TGM4: variants seen among roughly 807,000 people sequenced by gnomAD.
TGM4 encodes transglutaminase 4.
Under a neutral mutation model 76.3 loss-of-function variants are expected in TGM4, and 61 were observed. The observed-to-expected ratio is 0.80, with a 90% CI of 0.65 to 0.99. The LOEUF (loss-of-function observed/expected upper bound fraction) is 0.99, where lower values mean the gene tolerates loss of function less well. TGM4 is among the 50% of genes least tolerant of loss of function. The pLI, the probability that TGM4 is intolerant of heterozygous loss-of-function variation, is 0.00. For missense variants in TGM4, 794 were observed against 843.2 expected, an observed-to-expected ratio of 0.94 and a Z score of 0.72; for synonymous variants, 337 against 329.8, an observed-to-expected ratio of 1.02 and a Z score of -0.24.
chr3:44,893,768 G>T (rs1281752727), intron 5 of TGM4, 73 bp downstream of exon 5: 1 of 1,337,894 alleles, frequency 7.5e-7, no homozygotes, highest in African/African-American at 1.4e-5. Context: ...GTAGTAGTCA[G>T]TAAAGGTTCT....
intron 1 of TGM4, among the ~76,000 whole-genome samples, chr3:44,879,454 G>GC (rs1699500911): frequency 6.0e-5 from 9 of 149,192 alleles, no homozygotes; most frequent in African/African-American, 2.2e-4. Context: ...TTACAGGCAT[G>GC]TGCCACCAAG....
At chr3:44,902,933 T>C (rs1374874050) in intron 8 of TGM4, among the ~76,000 whole-genome samples, 1 of 152,246 alleles carries the variant, frequency 6.6e-6, no homozygotes, top group Non-Finnish European at 1.5e-5. Flanking sequence ...GCATTTCAGT[T>C]GAAGTTGGAG....
chr3:44,879,473 A>ATTTTTT (rs1184527794), intron 1 of TGM4, among the ~76,000 whole-genome samples: 1,796 of 123,456 alleles, frequency 0.015, 24 homozygotes, highest in Middle Eastern at 0.055. Context: ...AGCCTGGCTA[A>ATTTTTT]TTTTTTTTTT....
At chr3:44,890,442 G>T in intron 3 of TGM4, 161 bp from the exon 4 acceptor site, 1 of 974,512 alleles carries the variant, frequency 1.0e-6, no homozygotes, top group Non-Finnish European at 1.5e-6. Context: ...TGCCCTTGCA[G>T]GGGCGCTCCT....
intron 1 of TGM4, 142 bp from the exon 2 acceptor site, chr3:44,885,183 C>A: frequency 1.3e-6 from 1 of 780,044 alleles, no homozygotes; most frequent in Non-Finnish European, 2.0e-6. Context: ...AGATTCATAA[C>A]CAGCTGGAGG....
chr3:44,887,685 C>A lies in TGM4; in HGVS notation c.194-4C>A. On this transcript the variant is annotated splice_region_variant and splice_polypyrimidine_tract_variant and intron_variant, in intron 2 of 13. Transcript: ENST00000296125. ...GGCCAATGTTTTCCTTTGGGTGTCT[C>A]CAGGGCCGAATCCTAGCATCGCCAA... 1 of 1,613,496 alleles carries A rather than the reference C, an allele frequency of 6.2e-7. No homozygotes were observed. Among genetic ancestry groups the A allele is most frequent in the Non-Finnish European group, 8.5e-7 (1 of 1,179,678 alleles).
chr3:44,911,199 A>G (rs1700000980), intron 12 of TGM4, 71 bp from the exon 13 acceptor site: 1 of 1,610,028 alleles, frequency 6.2e-7, no homozygotes, highest in African/African-American at 1.3e-5. Context: ...GGGGCCCCTA[A>G]GAACCCTGAG....
rs746665064 is a variant in TGM4 at position 44,914,034 on chromosome 3, C to T, written c.*309C>T. 21 of 289,122 alleles carry T rather than the reference C, an allele frequency of 7.3e-5. No individual in the cohort carries two copies. Among genetic ancestry groups the T allele is most frequent in the Admixed American group, 3.4e-4 (7 of 20,612 alleles). 17.9% of individuals were successfully genotyped at this position (289,122 alleles called of 1,614,324 possible). ...TTCAAATCCATAGATTTCGAAGCCA[C>T]AGAGTCTCTCCCTGGAGCAGCAGAC... is the stretch of plus-strand genomic sequence containing the variant. On this transcript the variant is annotated 3_prime_UTR_variant, in exon 14 of 14. Transcript: ENST00000296125.
intron 9 of TGM4, among the ~76,000 whole-genome samples, chr3:44,905,738 C>A (rs1699913080): frequency 6.6e-6 from 1 of 152,234 alleles, no homozygotes; most frequent in Non-Finnish European, 1.5e-5. Context: ...ACAGCCTCCA[C>A]ATTTCTCCAA....
At chr3:44,891,984 C>A (rs373137823) in intron 4 of TGM4, among the ~76,000 whole-genome samples, 6 of 150,988 alleles carry the variant, frequency 4.0e-5, no homozygotes, top group Non-Finnish European at 5.9e-5. Context: ...ATAGGCCAGG[C>A]GCGGTGGCTC....
intron 6 of TGM4, among the ~76,000 whole-genome samples, chr3:44,900,002 G>A (rs1699830674): frequency 6.6e-6 from 1 of 152,196 alleles, no homozygotes; most frequent in African/African-American, 2.4e-5. Flanking sequence ...CTGGGTCTAG[G>A]AGAGGGGATT....
intron 1 of TGM4, among the ~76,000 whole-genome samples, chr3:44,884,702 C>T (rs1401166262): frequency 6.6e-6 from 1 of 152,140 alleles, no homozygotes; most frequent in African/African-American, 2.4e-5. Flanking sequence ...GTGCTTCCTC[C>T]TCAATTTGGA....
In TGM4 at chr3:44,879,259, C is replaced by CTATATATATA. The variant is rs1365143873; in HGVS notation, c.19+4563_19+4564insATATATATAT. 7.9e-5 allele frequency among the ~76,000 whole-genome samples: 8 copies of CTATATATATA among 101,696 alleles called. No individual in the cohort carries two copies. In the South Asian group the frequency reaches 1.4e-3, roughly 18 times the overall value. The allele number at this position is 101,696 out of a possible 152,430, so 66.7% of individuals were successfully genotyped here. ...ATGGTCTCTCTCTCTCTCTCTCTCT[C>CTATATATATA]TCTCTCTATATATATATATATATAT... On this transcript the variant is annotated intron_variant, in intron 1 of 13. Coordinates refer to ENST00000296125, the MANE Select transcript of TGM4 (RefSeq NM_003241.4).
chr3:44,887,319 T>C (rs1699621159), intron 2 of TGM4, among the ~76,000 whole-genome samples: 1 of 152,212 alleles, frequency 6.6e-6, no homozygotes, highest in African/African-American at 2.4e-5. Flanking sequence ...GGTTAAGCAG[T>C]TCCCCTGCAT....
At chr3:44,893,068 A>G (rs993352379) in intron 4 of TGM4, among the ~76,000 whole-genome samples, 2 of 152,202 alleles carry the variant, frequency 1.3e-5, no homozygotes, top group African/African-American at 4.8e-5. Flanking sequence ...CGAGTAGTCT[A>G]TGTGGACACA....
At chr3:44,888,960 C>T (rs1699650208) in intron 3 of TGM4, 1 of 151,974 alleles carries the variant, frequency 6.6e-6, no homozygotes, top group Admixed American at 6.6e-5. Context: ...TCAGTTTCCC[C>T]ACCAGCAAAA....
At chr3:44,879,263 C>A (rs28633171) in intron 1 of TGM4, among the ~76,000 whole-genome samples, 15,706 of 93,964 alleles carry the variant, frequency 0.17, 1,125 homozygotes, top group Non-Finnish European at 0.2. Flanking sequence ...CTCTCTCTCT[C>A]TCTATATATA....
At chr3:44,903,251 A>T (rs187024713) in intron 8 of TGM4, among the ~76,000 whole-genome samples, 29 of 152,296 alleles carry the variant, frequency 1.9e-4, no homozygotes, top group African/African-American at 6.7e-4. Context: ...GGGTATACTC[A>T]GGGGTCCTGG....
intron 6 of TGM4, 125 bp downstream of exon 6, chr3:44,896,941 T>A: frequency 1.6e-6 from 1 of 641,654 alleles, no homozygotes; most frequent in South Asian, 2.2e-5. Flanking sequence ...CAATCAATTG[T>A]TCAAAACTAT....
Sources: gnomAD v4.1 joint callset for allele counts (sites outside exome capture counted in the v4.1 genomes callset) on GRCh38, gnomAD v4.1.1 for gene constraint, MANE v1.5 for transcripts, NCBI Gene and HGNC (gene_info 2026-07-23, HGNC 2026-07-21) for gene names.